The following LRSAM1 variants were observed in gnomAD, a reference collection of about 807,000 sequenced individuals.
LRSAM1 encodes leucine rich repeat and sterile alpha motif containing 1.
In LRSAM1, 96 loss-of-function variants were observed where a neutral mutation model predicts 118.1. That is an observed-to-expected ratio of 0.81 (90% CI 0.69 to 0.96). The LOEUF is 0.96. Ranked by LOEUF, LRSAM1 falls within the 40% of genes least tolerant of loss-of-function variation. LRSAM1 has a pLI of 0.00. For missense variants in LRSAM1, 804 were observed against 915.5 expected (o/e 0.88, Z 1.57); for synonymous variants, 322 against 364.2 (o/e 0.88, Z 1.32).
At chr9:127,486,194 G>A (rs1352119718) in intron 17 of LRSAM1, among the ~76,000 whole-genome samples, 1 of 152,248 alleles carries the variant, frequency 6.6e-6, no homozygotes, top group African/African-American at 2.4e-5. Flanking sequence ...ACGCACCCAA[G>A]GAAGCAAGCC....
intron 13 of LRSAM1, 123 bp downstream of exon 13, chr9:127,479,628 C>A: frequency 6.8e-7 from 1 of 1,462,864 alleles, no homozygotes; most frequent in Non-Finnish European, 9.3e-7. Flanking sequence ...TCCTTCTGTC[C>A]CCCAGCACCT....
intron 11 of LRSAM1, among the ~76,000 whole-genome samples, chr9:127,476,770 G>A (rs1051723232): frequency 6.6e-6 from 1 of 152,012 alleles, no homozygotes; most frequent in Non-Finnish European, 1.5e-5. Flanking sequence ...TGCCTCTCAG[G>A]TTCAAGCAAT....
chr9:127,485,093 C>T (rs1325620352), intron 16 of LRSAM1, among the ~76,000 whole-genome samples: 1 of 152,076 alleles, frequency 6.6e-6, no homozygotes, highest in Non-Finnish European at 1.5e-5. Context: ...CAGGCATAAG[C>T]CACCACGCCT....
intron 18 of LRSAM1, 135 bp downstream of exon 18, chr9:127,487,898 A>G: frequency 1.6e-6 from 1 of 622,492 alleles, no homozygotes; most frequent in South Asian, 1.8e-5. Context: ...ATAGAGGTGT[A>G]CAAGTGATCA....
At chr9:127,487,361 C>G (rs1835770467) in intron 17 of LRSAM1, 1 of 366,078 alleles carries the variant, frequency 2.7e-6, no homozygotes, top group African/African-American at 2.1e-5. Flanking sequence ...GAGCTCCCCA[C>G]CCATGGAGGT....
intron 14 of LRSAM1, among the ~76,000 whole-genome samples, chr9:127,480,876 T>A (rs1427590079): frequency 6.6e-6 from 1 of 152,104 alleles, no homozygotes; most frequent in Non-Finnish European, 1.5e-5. Flanking sequence ...ATAAGGTTTC[T>A]CCATGTTGAC....
intron 24 of LRSAM1, 87 bp downstream of exon 24, chr9:127,497,421 G>A (rs1489855774): frequency 7.5e-7 from 1 of 1,334,808 alleles, no homozygotes; most frequent in Admixed American, 1.8e-5. Flanking sequence ...TTACATTTCA[G>A]GATGACTCCT....
rs1244690408 is a variant in LRSAM1, at chr9:127,467,646, A to G, written c.529-94A>G. ...CTGTCAGGCCATTCCTGCTGGGTAG[A>G]GGTGACAGAGAACACACAAATTGAT... On this transcript the variant is annotated intron_variant, in intron 9 of 25. Transcript: ENST00000300417. The G allele has an allele frequency of 2.5e-6, 3 of 1,184,026 alleles. No homozygotes were observed. In the Admixed American group the frequency reaches 5.9e-5, roughly 23 times the overall value. 73.3% of individuals were successfully genotyped at this position (1,184,026 alleles called of 1,614,324 possible).
At chr9:127,467,595 G>T (rs1835005241) in intron 9 of LRSAM1, 145 bp from the exon 10 acceptor site, 1 of 801,870 alleles carries the variant, frequency 1.2e-6, no homozygotes, top group East Asian at 2.7e-5. Context: ...GCAGCTGTAA[G>T]TAACAAGACA....
chr9:127,460,544 C>T (rs78092332), intron 7 of LRSAM1, among the ~76,000 whole-genome samples: 2 of 152,200 alleles, frequency 1.3e-5, no homozygotes, highest in African/African-American at 2.4e-5. Context: ...CCTTCTCCCT[C>T]CTTCCCTGAT....
intron 25 of LRSAM1, among the ~76,000 whole-genome samples, chr9:127,502,169 C>T (rs147267983): frequency 2.0e-5 from 3 of 152,348 alleles, no homozygotes; most frequent in Admixed American, 6.5e-5. Flanking sequence ...AGGCCTCCGT[C>T]GCCTGTCCAG....
At chr9:127,499,930 A>G (rs574662769) in intron 24 of LRSAM1, among the ~76,000 whole-genome samples, 6 of 152,088 alleles carry the variant, frequency 3.9e-5, no homozygotes, top group African/African-American at 1.2e-4. Flanking sequence ...TCTCAAAAAA[A>G]AAAAGAAAAA....
At chr9:127,453,243 A>G (rs1588088613) in intron 2 of LRSAM1, among the ~76,000 whole-genome samples, 1 of 151,998 alleles carries the variant, frequency 6.6e-6, no homozygotes, top group Non-Finnish European at 1.5e-5. Flanking sequence ...CACCACGCCC[A>G]GCTTCTTTGT....
rs778709280 is a variant in LRSAM1, at chr9:127,483,035, G to A, written c.1159+15G>A. 4 of 1,606,508 alleles carry A rather than the reference G, an allele frequency of 2.5e-6. No homozygotes were observed. The South Asian group carries it at 4.5e-5, about 18-fold the overall frequency. On this transcript the variant is annotated intron_variant, in intron 16 of 25. Coordinates refer to ENST00000300417, the MANE Select transcript of LRSAM1 (RefSeq NM_001005373.4). ...TGACGTTGCCTGTGAGTTTTGGGAT[G>A]GGGAGCTTGTGAGCACGCTGCCTGC...
intron 16 of LRSAM1, 41 bp downstream of exon 16, chr9:127,483,061 TGGCTG>T (rs773297136): frequency 6.3e-7 from 1 of 1,580,570 alleles, no homozygotes; most frequent in South Asian, 1.1e-5. Context: ...CGCTGCCTGC[TGGCTG>T]GGCTGGCAGG....
chr9:127,490,109 T>TA (rs1835880674), intron 19 of LRSAM1, among the ~76,000 whole-genome samples: 1 of 151,998 alleles, frequency 6.6e-6, no homozygotes, highest in Non-Finnish European at 1.5e-5. Flanking sequence ...CAAGCCCACC[T>TA]ACACGGCTTG....
intron 9 of LRSAM1, 111 bp from the exon 10 acceptor site, chr9:127,467,629 C>A: frequency 9.6e-7 from 1 of 1,037,760 alleles, no homozygotes; most frequent in Non-Finnish European, 1.5e-6. Context: ...TGCTGTCAGG[C>A]CATTCCTGCT....
intron 20 of LRSAM1, among the ~76,000 whole-genome samples, chr9:127,491,729 C>T (rs1171117024): frequency 6.6e-6 from 1 of 152,210 alleles, no homozygotes; most frequent in Non-Finnish European, 1.5e-5. Context: ...TGTGTAACTC[C>T]CTGCAGGCAG....
At chr9:127,475,143 A>G (rs1303759225) in intron 11 of LRSAM1, among the ~76,000 whole-genome samples, 2 of 152,140 alleles carry the variant, frequency 1.3e-5, no homozygotes, top group African/African-American at 4.8e-5. Context: ...TCACATTCTC[A>G]GAAAATATTT....
Sources: allele counts gnomAD v4.1 joint callset (sites outside exome capture counted in the v4.1 genomes callset), GRCh38; gene constraint gnomAD v4.1.1; transcripts MANE v1.5; gene names NCBI Gene and HGNC (gene_info 2026-07-23, HGNC 2026-07-21).